Variants in DIDO1 observed in about 807,000 individuals in gnomAD.
DIDO1 encodes death inducer-obliterator 1.
A neutral mutation model predicts 99.4 loss-of-function variants in DIDO1; 16 were observed. The ratio of observed to expected loss-of-function variants is 0.16; its 90% CI spans 0.11 to 0.24. The LOEUF is 0.24. Ranked by LOEUF, DIDO1 falls within the 10% of genes least tolerant of loss-of-function variation. The pLI, the probability that DIDO1 is intolerant of heterozygous loss-of-function variation, is 1.00. For synonymous variants in DIDO1, 1,366 were observed against 1,239.1 expected, an observed-to-expected ratio of 1.10 and a Z score of -2.15; for missense variants, 2,996 against 3,014.0, an observed-to-expected ratio of 0.99 and a Z score of 0.14.
chr20:62,884,003 T>A (rs2064255274), intron 15 of DIDO1, among the ~76,000 whole-genome samples: 1 of 152,056 alleles, frequency 6.6e-6, no homozygotes, highest in South Asian at 2.1e-4. Context: ...GAGACTCTCT[T>A]GGAAAAAAGA....
chr20:62,895,326 GT>G (rs1450712130), intron 8 of DIDO1, among the ~76,000 whole-genome samples, 161 bp from the exon 9 acceptor site: 3 of 152,238 alleles, frequency 2.0e-5, no homozygotes, highest in African/African-American at 7.2e-5. Flanking sequence ...CCTGCAGGGT[GT>G]GACCTAACTC....
At chr20:62,895,751 A>G (rs908171871) in intron 8 of DIDO1, among the ~76,000 whole-genome samples, 1 of 152,194 alleles carries the variant, frequency 6.6e-6, no homozygotes, top group African/African-American at 2.4e-5. Flanking sequence ...GGAAGGACTG[A>G]TCCCACTACC....
chr20:62,880,591 T>C lies in DIDO1; in HGVS notation c.5365A>G (p.Asn1789Asp). The C allele has an allele frequency of 1.9e-6, 3 of 1,612,936 alleles. No individual in the cohort carries two copies. The highest frequency in any genetic ancestry group is 2.5e-6 in the Non-Finnish European group (3 of 1,180,014). ...PPFPEENIASNDGPRGPPPAR... is the reference protein window; with the variant it reads ...PPFPEENIASDDGPRGPPPAR... ...GGCGGAGGCCCTCGTGGCCCATCGT[T>C]AGAAGCGATATTCTCTTCTGGAAAC... The change falls in exon 16 of 16, where the codon AAC (asparagine) becomes GAC (aspartate). Residue 1789 changes from asparagine to aspartate, a missense_variant. Asn to Asp is a conservative substitution (Grantham distance 23). Around this residue, in one of 5 missense-constraint regions of DIDO1, gnomAD observed 1,562 missense variants for 1,412.6 expected, o/e 1.11. Coordinates refer to ENST00000395343, the MANE Select transcript of DIDO1 (RefSeq NM_001193369.2).
At chr20:62,931,590 G>A (rs932177294) in intron 1 of DIDO1, among the ~76,000 whole-genome samples, 1 of 152,088 alleles carries the variant, frequency 6.6e-6, no homozygotes, top group Non-Finnish European at 1.5e-5. Context: ...AGAGACCCGC[G>A]AAAAAGGGGA....
intron 1 of DIDO1, among the ~76,000 whole-genome samples, chr20:62,920,414 G>T (rs1003033874): frequency 6.6e-6 from 1 of 152,184 alleles, no homozygotes; most frequent in Non-Finnish European, 1.5e-5. Flanking sequence ...TTCAGCAAGG[G>T]GCTGTGTAGG....
In DIDO1 at chr20:62,881,022, G is replaced by T. The variant is rs538737523; in HGVS notation, c.4934C>A (p.Ala1645Asp). The T allele has an allele frequency of 1.9e-6, 3 of 1,604,610 alleles. No individual in the cohort carries two copies. The highest frequency in any genetic ancestry group is 2.2e-5 in the South Asian group (2 of 90,822). Reference protein sequence around the residue: ...KAEPGEGTRPATVGDSSARPA... With the variant: ...KAEPGEGTRPDTVGDSSARPA... The stretch of plus-strand genomic sequence containing the variant: ...CCTGGCCGAGCTGTCTCCAACCGTG[G>T]CGGGGCGGGTGCCCTCCCCAGGCTC... Residue 1645 changes from alanine (A) to aspartate (D), a missense_variant, in exon 16 of 16, where the codon GCC becomes GAC. Ala to Asp is a moderately radical substitution (Grantham distance 126, BLOSUM62 -2). Coordinates refer to ENST00000395343, the MANE Select transcript of DIDO1 (RefSeq NM_001193369.2). This position sits in a 1 kb window ranked among gnomAD's most constrained non-coding sequence, Gnocchi z 8.3.
At chr20:62,890,495 C>T in intron 15 of DIDO1, 1 of 992,402 alleles carries the variant, frequency 1.0e-6, no homozygotes, top group Non-Finnish European at 1.2e-6. Context: ...ATAATTATTT[C>T]TAGAAATAGT....
At chr20:62,919,640 C>G (rs2065099894) in intron 1 of DIDO1, among the ~76,000 whole-genome samples, 1 of 152,098 alleles carries the variant, frequency 6.6e-6, no homozygotes, top group Admixed American at 6.5e-5. Flanking sequence ...TGTTGTTTTA[C>G]ATTTCTTGGG....
chr20:62,906,531 A>G (rs2064808779), intron 5 of DIDO1, among the ~76,000 whole-genome samples: 1 of 152,234 alleles, frequency 6.6e-6, no homozygotes, highest in African/African-American at 2.4e-5. Context: ...AGCCTTAAAA[A>G]TTAAGTCATT....
intron 6 of DIDO1, among the ~76,000 whole-genome samples, chr20:62,898,371 C>G (rs1482242212): frequency 6.6e-6 from 1 of 152,214 alleles, no homozygotes; most frequent in Non-Finnish European, 1.5e-5. Flanking sequence ...CAAGTCTTCC[C>G]AACTTCCCAG....
At chr20:62,892,751 T>C (rs1382947128) in intron 13 of DIDO1, 58 bp downstream of exon 13, 1 of 1,552,344 alleles carries the variant, frequency 6.4e-7, no homozygotes, top group Non-Finnish European at 8.7e-7. Context: ...TGTTTGACTC[T>C]AGTTTAGAAA....
Position 62,894,517 on chromosome 20 carries a change from TCAGGGA to T in DIDO1, c.2462_2467del (p.Val821_Pro822del). ...GTCGAGAAGCGGCGCTGTGCTCTTC[TCAGGGA>T]CAGCACGTGCTGACTCTTGCTGTTC... On this transcript the variant is annotated inframe_deletion, in exon 11 of 16. Transcript: ENST00000395343. This position sits in a 1 kb window ranked among gnomAD's most constrained non-coding sequence, Gnocchi z 4.4. 1 of 1,612,876 alleles carries T rather than the reference TCAGGGA, an allele frequency of 6.2e-7. No individual in the cohort carries two copies. Among genetic ancestry groups the T allele is most frequent in the Non-Finnish European group, 8.5e-7 (1 of 1,180,002 alleles).
Position 62,922,033 on chromosome 20 carries a change from C to T in DIDO1, c.-200+4406G>A, listed in dbSNP as rs903948539. Among the ~76,000 whole-genome samples, 9 of 141,312 alleles carry T rather than the reference C, an allele frequency of 6.4e-5. No individual in the cohort carries two copies. In the South Asian group the frequency reaches 6.4e-4, roughly 10 times the overall value. The allele number at this position is 141,312 out of a possible 152,430, so 92.7% of individuals were successfully genotyped here. ...TATATCCACACAATATATATCCACA[C>T]GATATATATACACACAATATATATA... On this transcript the variant is annotated intron_variant, in intron 1 of 15. Coordinates refer to ENST00000395343, the MANE Select transcript of DIDO1 (RefSeq NM_001193369.2).
At position 62,881,412 on chromosome 20, in the gene DIDO1, G is replaced by A. The variant is rs143908148; in HGVS notation, c.4544C>T (p.Ser1515Leu). ...AAVGVSMAHFSVSDALMSPPP... is the reference protein window; with the variant it reads ...AAVGVSMAHFLVSDALMSPPP... ...TGGAGACATCAAGGCGTCCGACACC[G>A]AGAAGTGGGCCATGGAGACCCCGAC... Residue 1515 changes from serine (S) to leucine (L), a missense_variant, in exon 16 of 16, where the codon TCG becomes TTG. This residue lies in a region of DIDO1 where 1,562 missense variants were observed against 1,412.6 expected (regional missense o/e 1.11). Coordinates refer to ENST00000395343, the MANE Select transcript of DIDO1 (RefSeq NM_001193369.2). The surrounding 1 kb of genome is among the most constrained non-coding windows in gnomAD (Gnocchi z 8.3). 4.4e-6 allele frequency: 7 copies of A among 1,607,550 alleles called. No individual in the cohort carries two copies. The South Asian group carries it at 4.4e-5, about 10-fold the overall frequency.
chr20:62,881,459 A>T lies in DIDO1; in HGVS notation c.4497T>A (p.Ala1499=). 1 of 1,608,430 alleles carries T rather than the reference A, an allele frequency of 6.2e-7. No individual in the cohort carries two copies. Among genetic ancestry groups the T allele is most frequent in the Non-Finnish European group, 8.5e-7 (1 of 1,179,734 alleles). Residue 1499 remains alanine (A), a synonymous_variant, in exon 16 of 16, where the codon GCT becomes GCA. Coordinates refer to ENST00000395343, the MANE Select transcript of DIDO1 (RefSeq NM_001193369.2). This position sits in a 1 kb window ranked among gnomAD's most constrained non-coding sequence, Gnocchi z 8.3. The stretch of plus-strand genomic sequence containing the variant: ...CGACGGCGGCCCTCTGCTGCCTGAG[A>T]GCTTCTTCTTGCTCCTCCAGCTGTC... The part of the protein sequence containing the change: ...QKRQLEEQEE[A]LRQQRAAVGV...
intron 13 of DIDO1, 51 bp downstream of exon 13, chr20:62,892,758 G>T: frequency 6.4e-7 from 1 of 1,560,362 alleles, no homozygotes; most frequent in Non-Finnish European, 8.7e-7. Flanking sequence ...CTCTAGTTTA[G>T]AAACTCCTAT....
At position 62,904,900 on chromosome 20, in the gene DIDO1, G is replaced by A. The variant is rs1448193621; in HGVS notation, c.1588+987C>T. On this transcript the variant is annotated intron_variant, in intron 6 of 15. Coordinates refer to ENST00000395343, the MANE Select transcript of DIDO1 (RefSeq NM_001193369.2). ...GGGAATCTGCTCAAAGTCTGACGAC[G>A]GGAAAGTGGGGCACTCTGTGATCAT... is the stretch of plus-strand genomic sequence containing the variant. 1.7e-5 allele frequency: 14 copies of A among 831,852 alleles called. No individual in the cohort carries two copies. The East Asian group carries it at 3.7e-4, about 22-fold the overall frequency. 51.5% of individuals were successfully genotyped at this position (831,852 alleles called of 1,614,324 possible). A position where few individuals can be genotyped will look rare whatever the true frequency, so the allele number is the denominator to read the frequency against.
At chr20:62,897,911 G>A (rs1256010029) in intron 6 of DIDO1, among the ~76,000 whole-genome samples, 1 of 152,190 alleles carries the variant, frequency 6.6e-6, no homozygotes, top group African/African-American at 2.4e-5. Context: ...AACGCCTGGG[G>A]AATAGGGGGC....
At chr20:62,929,687 G>GAAAAAAAAAAA (rs1387806644), upstream of DIDO1, among the ~76,000 whole-genome samples, 1 of 58,112 alleles carries the variant, frequency 1.7e-5, no homozygotes, top group African/African-American at 1.4e-4. Context: ...CCAGAAAAAA[G>GAAAAAAAAAAA]AAAAAGTGTA....
Sources: gnomAD v4.1 joint callset for allele counts (sites outside exome capture counted in the v4.1 genomes callset) on GRCh38, gnomAD v4.1.1 for gene constraint, gnomAD v4.1.1 regional missense constraint, Gnocchi (gnomAD v3.1) non-coding constraint, MANE v1.5 for transcripts, NCBI Gene and HGNC (gene_info 2026-07-23, HGNC 2026-07-21) for gene names.